PRKAR1B: variants seen among roughly 807,000 people sequenced by gnomAD.
The protein encoded by PRKAR1B is protein kinase cAMP-dependent type I regulatory subunit beta.
Under a neutral mutation model 46.5 loss-of-function variants are expected in PRKAR1B, and 22 were observed. The ratio of observed to expected loss-of-function variants is 0.47; its 90% CI spans 0.34 to 0.68. The LOEUF is 0.68. Among genes scored for constraint, PRKAR1B ranks in the 30% least tolerant of loss-of-function variants. The pLI, the probability that PRKAR1B is intolerant of heterozygous loss-of-function variation, is 0.01. For synonymous variants in PRKAR1B, 259 were observed against 217.7 expected (o/e 1.19, Z -1.67); for missense variants, 445 against 535.6 (o/e 0.83, Z 1.67).
intron 9 of PRKAR1B, among the ~76,000 whole-genome samples, chr7:576,064 G>A (rs761052101): frequency 6.6e-6 from 1 of 151,390 alleles, no homozygotes; most frequent in Non-Finnish European, 1.5e-5. Context: ...TGTGCACACA[G>A]GCATCCTCTC....
At chr7:678,464 G>A (rs937161226) in intron 3 of PRKAR1B, among the ~76,000 whole-genome samples, 10 of 151,994 alleles carry the variant, frequency 6.6e-5, no homozygotes, top group Non-Finnish European at 1.5e-4. Context: ...CATTCCTCCC[G>A]TCTGTCTGTC....
At chr7:603,881 G>A (rs1781824826) in intron 6 of PRKAR1B, among the ~76,000 whole-genome samples, 1 of 152,060 alleles carries the variant, frequency 6.6e-6, no homozygotes, top group African/African-American at 2.4e-5. Context: ...CGGGGGAGGA[G>A]GTGACACGGT....
At chr7:718,632 T>C (rs6974151) in intron 1 of PRKAR1B, among the ~76,000 whole-genome samples, 52,724 of 151,820 alleles carry the variant, frequency 0.35, 9,285 homozygotes, top group South Asian at 0.49. Context: ...GCTGGGATTA[T>C]AGACGTGAGC....
At chr7:555,427 C>G (rs959630686) in intron 9 of PRKAR1B, among the ~76,000 whole-genome samples, 18 of 152,214 alleles carry the variant, frequency 1.2e-4, no homozygotes, top group Admixed American at 9.2e-4. Context: ...ATTTGGAAAT[C>G]GGCAGCATAA....
At chr7:658,860 A>C (rs991731030) in intron 4 of PRKAR1B, among the ~76,000 whole-genome samples, 4 of 152,154 alleles carry the variant, frequency 2.6e-5, no homozygotes, top group Non-Finnish European at 5.9e-5. Flanking sequence ...CATGTTGGAC[A>C]GGCTGGTCTC....
chr7:580,744 CAAAAAAAA>C (rs754143077), intron 8 of PRKAR1B, among the ~76,000 whole-genome samples: 28 of 117,330 alleles, frequency 2.4e-4, no homozygotes, highest in Non-Finnish European at 4.7e-4. Context: ...TCTTTTTTGA[CAAAAAAAA>C]AAAAAAAAAA....
intron 2 of PRKAR1B, among the ~76,000 whole-genome samples, chr7:704,176 G>A (rs1471129702): frequency 1.3e-5 from 2 of 151,888 alleles, no homozygotes; most frequent in African/African-American, 4.8e-5. Flanking sequence ...AAAACCCAAA[G>A]ACTGAAGAAG....
At chr7:680,050 C>T (rs1778572016) in intron 3 of PRKAR1B, among the ~76,000 whole-genome samples, 1 of 150,904 alleles carries the variant, frequency 6.6e-6, no homozygotes, top group Non-Finnish European at 1.5e-5. Context: ...CCCAGCTACT[C>T]GGGAGGCTGA....
intron 9 of PRKAR1B, among the ~76,000 whole-genome samples, chr7:570,243 G>A (rs1250904534): frequency 2.0e-5 from 3 of 152,322 alleles, no homozygotes; most frequent in South Asian, 4.1e-4. Context: ...CCGCAGGCTC[G>A]TGGCAGGGCC....
chr7:654,267 TCACCATCTTCAC>T (rs1785069350), intron 4 of PRKAR1B, among the ~76,000 whole-genome samples: 1 of 150,248 alleles, frequency 6.7e-6, no homozygotes, highest in African/African-American at 2.5e-5. Context: ...ACCATCCTCA[TCACCATCTTCAC>T]CACCATCACC....
chr7:634,788 C>A (rs1444219727), intron 4 of PRKAR1B, among the ~76,000 whole-genome samples: 1 of 151,796 alleles, frequency 6.6e-6, no homozygotes, highest in Non-Finnish European at 1.5e-5. Context: ...TACAGGCACC[C>A]GCCACCATGT....
At chr7:705,281 T>G (rs1470610171) in intron 2 of PRKAR1B, among the ~76,000 whole-genome samples, 22 of 142,878 alleles carry the variant, frequency 1.5e-4, no homozygotes, top group African/African-American at 5.6e-4. Context: ...CCAGCCTGGG[T>G]GACAGAGCAA....
chr7:563,574 A>G (rs568022263), intron 9 of PRKAR1B, among the ~76,000 whole-genome samples: 65 of 152,012 alleles, frequency 4.3e-4, no homozygotes, highest in African/African-American at 1.5e-3. Context: ...GAGTGCGTGC[A>G]CAGGTGTGTG....
intron 2 of PRKAR1B, chr7:691,790 C>T (rs1022119573): frequency 8.5e-5 from 101 of 1,191,192 alleles, no homozygotes; most frequent in Non-Finnish European, 9.6e-5. Context: ...CAATCACCTC[C>T]TGCGGAGGAC....
chr7:716,089 C>T (rs1780875380), intron 1 of PRKAR1B, among the ~76,000 whole-genome samples: 1 of 151,852 alleles, frequency 6.6e-6, no homozygotes, highest in African/African-American at 2.4e-5. Flanking sequence ...ACTCTGTCGC[C>T]CAGGCTGGAG....
chr7:669,922 G>C (rs1470375179), intron 4 of PRKAR1B, among the ~76,000 whole-genome samples: 1 of 141,716 alleles, frequency 7.1e-6, no homozygotes, highest in Non-Finnish European at 1.5e-5. Flanking sequence ...CTGGAGTGCA[G>C]TGGCACGATC....
intron 2 of PRKAR1B, among the ~76,000 whole-genome samples, chr7:690,435 C>T (rs550779503): frequency 9.2e-5 from 14 of 152,114 alleles, no homozygotes; most frequent in Middle Eastern, 3.4e-3. Context: ...CAAACCTGCA[C>T]ACGTACCCCC....
At chr7:555,644 T>A (rs1778381042) in intron 9 of PRKAR1B, among the ~76,000 whole-genome samples, 1 of 152,150 alleles carries the variant, frequency 6.6e-6, no homozygotes, top group African/African-American at 2.4e-5. Context: ...GACCTTCACA[T>A]GCCCCCTTTT....
intron 7 of PRKAR1B, among the ~76,000 whole-genome samples, chr7:592,955 G>C (rs915745772): frequency 3.3e-5 from 5 of 152,222 alleles, no homozygotes; most frequent in Non-Finnish European, 7.3e-5. Context: ...AGGATGGCTT[G>C]AGCCGGGGAG....
Sources: gnomAD v4.1 joint callset for allele counts (sites outside exome capture counted in the v4.1 genomes callset) on GRCh38, gnomAD v4.1.1 for gene constraint, MANE v1.5 for transcripts, NCBI Gene and HGNC (gene_info 2026-07-23, HGNC 2026-07-21) for gene names.